The following PHACTR2 variants were observed in gnomAD, a reference collection of about 807,000 sequenced individuals.
PHACTR2 encodes phosphatase and actin regulator 2, also known as chromosome 6 open reading frame 56.
PHACTR2 carries 30 observed loss-of-function variants against 76.0 expected under a neutral mutation model. The ratio of observed to expected loss-of-function variants is 0.39; its 90% CI spans 0.30 to 0.54. The LOEUF is 0.54. PHACTR2 is among the 20% of genes least tolerant of loss of function. PHACTR2 has a pLI of 0.61. For synonymous variants in PHACTR2, 292 were observed against 292.5 expected (o/e 1.00, Z 0.02); for missense variants, 696 against 781.1 (o/e 0.89, Z 1.30).
chr6:143,590,796 T>TA (rs1775681238), intron 1 of PHACTR2, among the ~76,000 whole-genome samples: 1 of 152,174 alleles, frequency 6.6e-6, no homozygotes, highest in African/African-American at 2.4e-5. Context: ...TTCAGGCCTC[T>TA]AGACCCTTCC....
Position 143,553,290 on chromosome 6 carries a change from A to T in PHACTR2, c.217+16083A>T, listed in dbSNP as rs770425728. ...TGATAGACTATTGCTATAGAGAACT[A>T]TTCAGTGTGAACTGAACAACTTCAA... On this transcript the variant is annotated intron_variant, in intron 1 of 11. Transcript: ENST00000367584. This position sits in a 1 kb window ranked among gnomAD's most constrained non-coding sequence, Gnocchi z 4.2. 6.6e-6 allele frequency among the ~76,000 whole-genome samples: 1 copy of T among 152,284 alleles called. No homozygotes were observed. Among genetic ancestry groups the T allele is most frequent in the Non-Finnish European group, 1.5e-5 (1 of 68,048 alleles).
rs370884203 is a variant in PHACTR2, at chr6:143,651,860, AT to A, written c.13+43539del. Among the ~76,000 whole-genome samples, 53 of 150,748 alleles carry A rather than the reference AT, an allele frequency of 3.5e-4. No individual in the cohort carries two copies. The East Asian group carries it at 7.0e-3, about 20-fold the overall frequency. Reference sequence around the variant, plus strand: ...GTACCCACAAATTTAAAATAAAAAAATATATAATATATATATAAAAGAAAAT... The same window carrying A: ...GTACCCACAAATTTAAAATAAAAAAAATATAATATATATATAAAAGAAAAT... On this transcript the variant is annotated intron_variant, in intron 1 of 11. Coordinates refer to the PHACTR2 transcript ENST00000305766.
At chr6:143,711,428 C>T (rs1434591017) in intron 1 of PHACTR2, among the ~76,000 whole-genome samples, 3 of 152,186 alleles carry the variant, frequency 2.0e-5, no homozygotes, top group African/African-American at 7.2e-5. Context: ...ATGTTTTTAT[C>T]ACACACAGTA....
In PHACTR2 at chr6:143,777,396, T is replaced by C; in HGVS notation, c.1645+13T>C. Reference sequence around the variant, plus strand: ...AACATCCTAAAACGTGAGTATTCTATACTATAGAATGATTCCTTGTGTAAT... The same window carrying C: ...AACATCCTAAAACGTGAGTATTCTACACTATAGAATGATTCCTTGTGTAAT... On this transcript the variant is annotated intron_variant, in intron 9 of 12. Transcript: ENST00000440869. The surrounding 1 kb of genome is among the most constrained non-coding windows in gnomAD (Gnocchi z 4.6). 1 of 1,473,590 alleles carries C rather than the reference T, an allele frequency of 6.8e-7. No individual in the cohort carries two copies. The highest frequency in any genetic ancestry group is 9.4e-7 in the Non-Finnish European group (1 of 1,063,404). The allele number at this position is 1,473,590 out of a possible 1,614,324, so 91.3% of individuals were successfully genotyped here. A position where few individuals can be genotyped will look rare whatever the true frequency, so the allele number is the denominator to read the frequency against.
At position 143,698,954 on chromosome 6, in the gene PHACTR2, A is replaced by G. The variant is rs75152575; in HGVS notation, c.47-13062A>G. On this transcript the variant is annotated intron_variant, in intron 1 of 12. Coordinates refer to ENST00000440869, the MANE Select transcript of PHACTR2 (RefSeq NM_001100164.2). The surrounding 1 kb of genome is among the most constrained non-coding windows in gnomAD (Gnocchi z 4.3). ...ACTGTTGCCCTGGTAATTCTCTTCAATGGTGGCTCTGTTGTCCTTTACCTC... is the reference window on the plus strand; with the variant it reads ...ACTGTTGCCCTGGTAATTCTCTTCAGTGGTGGCTCTGTTGTCCTTTACCTC... 1.5e-3 allele frequency among the ~76,000 whole-genome samples: 227 copies of G among 152,170 alleles called. 3 individuals carry two copies. The East Asian group carries it at 0.023, about 15-fold the overall frequency.
Position 143,784,332 on chromosome 6 carries a change from C to A in PHACTR2, c.1707+1052C>A, listed in dbSNP as rs1450237952. Among the ~76,000 whole-genome samples, 8 of 152,204 alleles carry A rather than the reference C, an allele frequency of 5.3e-5. No individual in the cohort carries two copies. The highest frequency in any genetic ancestry group is 1.2e-4 in the Non-Finnish European group (8 of 68,040). On this transcript the variant is annotated intron_variant, in intron 10 of 12. Coordinates refer to ENST00000440869, the MANE Select transcript of PHACTR2 (RefSeq NM_001100164.2). The surrounding 1 kb of genome is among the most constrained non-coding windows in gnomAD (Gnocchi z 4.5). ...TATAAATCTGATGTTAGGGCCATCA[C>A]TTTTTTCTGTGTTAAAGTAATAGCC...
rs549521175 is a variant in PHACTR2, at chr6:143,811,836, A to G, written c.1922+4703A>G. On this transcript the variant is annotated intron_variant, in intron 12 of 12. Coordinates refer to ENST00000440869, the MANE Select transcript of PHACTR2 (RefSeq NM_001100164.2). This position sits in a 1 kb window ranked among gnomAD's most constrained non-coding sequence, Gnocchi z 4.1. ...ATCACTACTCTTTCTAATAAAAATA[A>G]TACAAAAACATGATCCAGTTTTACA... 6.6e-6 allele frequency among the ~76,000 whole-genome samples: 1 copy of G among 152,338 alleles called. No individual in the cohort carries two copies. The highest frequency in any genetic ancestry group is 1.9e-4 in the East Asian group (1 of 5,188).
At position 143,753,620 on chromosome 6, in the gene PHACTR2, G is replaced by A. The variant is rs954295566; in HGVS notation, c.296-134G>A. ...TAGCTCTTTTGTTTTGAATAAACCG[G>A]TGAAACAGTGCAGGGTGTATTTGGT... On this transcript the variant is annotated intron_variant, in intron 3 of 12. Transcript: ENST00000440869. The surrounding 1 kb of genome is among the most constrained non-coding windows in gnomAD (Gnocchi z 4.6). 3 of 583,554 alleles carry A rather than the reference G, an allele frequency of 5.1e-6. No homozygotes were observed. The highest frequency in any genetic ancestry group is 9.0e-6 in the Non-Finnish European group (3 of 331,496). 36.1% of individuals were successfully genotyped at this position (583,554 alleles called of 1,614,324 possible).
chr6:143,666,801 CAA>C (rs1777045344), intron 1 of PHACTR2, among the ~76,000 whole-genome samples: 1 of 152,176 alleles, frequency 6.6e-6, no homozygotes, highest in African/African-American at 2.4e-5. Flanking sequence ...GGATAGATTG[CAA>C]AAGTTTTCTC....
At position 143,828,192 on chromosome 6, in the gene PHACTR2, A is replaced by C. The variant is rs117682465; in HGVS notation, c.*4503A>C. The C allele has an allele frequency of 3.4e-4, 52 of 152,202 alleles. 1 individual carries two copies. The East Asian group carries it at 9.1e-3, about 27-fold the overall frequency. 9.4% of individuals were successfully genotyped at this position (152,202 alleles called of 1,614,324 possible). A position where few individuals can be genotyped will look rare whatever the true frequency, so the allele number is the denominator to read the frequency against. ...AATAATGAATAAAATAAAATAAAAT[A>C]TGTCCTCCAGGGAAAAGCAATGACA... is the stretch of plus-strand genomic sequence containing the variant. On this transcript the variant is annotated 3_prime_UTR_variant, in exon 13 of 13. Coordinates refer to ENST00000440869, the MANE Select transcript of PHACTR2 (RefSeq NM_001100164.2). This position sits in a 1 kb window ranked among gnomAD's most constrained non-coding sequence, Gnocchi z 4.7.
Position 143,579,375 on chromosome 6 carries a change from G to A in PHACTR2, c.217+42168G>A, listed in dbSNP as rs187991375. ...CAAGAGAGGTCCTGGTTGAAGGAAG[G>A]AAAACATTTTGCTTTGCAGGGAGGA... On this transcript the variant is annotated intron_variant, in intron 1 of 11. Coordinates refer to the PHACTR2 transcript ENST00000367584. Among the ~76,000 whole-genome samples, 625 of 152,152 alleles carry A rather than the reference G, an allele frequency of 4.1e-3. 6 individuals carry two copies. Among genetic ancestry groups the A allele is most frequent in the African/African-American group, 0.014 (593 of 41,500 alleles).
rs949985369 is a variant in PHACTR2 at position 143,750,880 on chromosome 6, C to T, written c.295+1815C>T. 6.6e-6 allele frequency among the ~76,000 whole-genome samples: 1 copy of T among 152,252 alleles called. No homozygotes were observed. The highest frequency in any genetic ancestry group is 2.4e-5 in the African/African-American group (1 of 41,538). On this transcript the variant is annotated intron_variant, in intron 3 of 12. Transcript: ENST00000440869. The surrounding 1 kb of genome is among the most constrained non-coding windows in gnomAD (Gnocchi z 4.6). ...TTAATGTTTGAGAAGTCATAAAATA[C>T]TAGATTTTACTTTCCAGCTTTTCCA...
rs137903366 is a variant in PHACTR2 at position 143,736,054 on chromosome 6, G to A, written c.215-12931G>A. ...ATTATTAATAAATTTTTATAGACAC[G>A]TTCTCTCTCTGTCACCCAGGTGGGA... is the stretch of plus-strand genomic sequence containing the variant. On this transcript the variant is annotated intron_variant, in intron 2 of 12. Transcript: ENST00000440869. Among the ~76,000 whole-genome samples the A allele has an allele frequency of 2.4e-4, 36 of 152,154 alleles. No homozygotes were observed. The East Asian group carries it at 4.8e-3, about 20-fold the overall frequency.
chr6:143,789,763 A>G lies in PHACTR2; in HGVS notation c.1845+853A>G, dbSNP rs1471872343. ...ATGCTCTGTGCTGACTCTTTTTAATAGGAAGCTTCATTATTTAAAATACCT... is the reference window on the plus strand; with the variant it reads ...ATGCTCTGTGCTGACTCTTTTTAATGGGAAGCTTCATTATTTAAAATACCT... On this transcript the variant is annotated intron_variant, in intron 11 of 12. Coordinates refer to ENST00000440869, the MANE Select transcript of PHACTR2 (RefSeq NM_001100164.2). This position sits in a 1 kb window ranked among gnomAD's most constrained non-coding sequence, Gnocchi z 5.1. Among the ~76,000 whole-genome samples, 1 of 152,186 alleles carries G rather than the reference A, an allele frequency of 6.6e-6. No homozygotes were observed. The highest frequency in any genetic ancestry group is 1.5e-5 in the Non-Finnish European group (1 of 68,020).
chr6:143,538,172 G>C (rs1781136448), intron 1 of PHACTR2, among the ~76,000 whole-genome samples: 1 of 152,212 alleles, frequency 6.6e-6, no homozygotes, highest in Admixed American at 6.5e-5. Flanking sequence ...TGTGTTCTCA[G>C]AGGCTGCCCT....
chr6:143,815,258 C>G (rs968080707), intron 12 of PHACTR2, among the ~76,000 whole-genome samples: 1 of 152,104 alleles, frequency 6.6e-6, no homozygotes, highest in African/African-American at 2.4e-5. Context: ...TCTAGCCTCT[C>G]AGGTAGAACA....
At chr6:143,668,143 T>C (rs575559713) in intron 1 of PHACTR2, among the ~76,000 whole-genome samples, 1 of 152,368 alleles carries the variant, frequency 6.6e-6, no homozygotes, top group African/African-American at 2.4e-5. Context: ...CATGTGTTTT[T>C]TGTCATTCGT....
chr6:143,737,333 A>G (rs1248679047), intron 2 of PHACTR2, among the ~76,000 whole-genome samples: 1 of 151,564 alleles, frequency 6.6e-6, no homozygotes, highest in Non-Finnish European at 1.5e-5. Context: ...ATGGTGTCTC[A>G]CTGTATTGCC....
Position 143,619,030 on chromosome 6 carries a change from T to C in PHACTR2, c.13+10708T>C, listed in dbSNP as rs1392931533. The stretch of plus-strand genomic sequence containing the variant: ...CTTTTATTGTGTGCTACTACTTATA[T>C]AGAAACTCTGAATTAATTCTTACTG... On this transcript the variant is annotated intron_variant, in intron 1 of 11. Coordinates refer to the PHACTR2 transcript ENST00000305766. The surrounding 1 kb of genome is among the most constrained non-coding windows in gnomAD (Gnocchi z 4.5). Among the ~76,000 whole-genome samples, 1 of 152,212 alleles carries C rather than the reference T, an allele frequency of 6.6e-6. No individual in the cohort carries two copies. The highest frequency in any genetic ancestry group is 1.5e-5 in the Non-Finnish European group (1 of 68,038).
Sources: gnomAD v4.1 joint callset for allele counts (sites outside exome capture counted in the v4.1 genomes callset) on GRCh38, gnomAD v4.1.1 for gene constraint, Gnocchi (gnomAD v3.1) non-coding constraint, MANE v1.5 for transcripts, NCBI Gene and HGNC (gene_info 2026-07-23, HGNC 2026-07-21) for gene names.